Variants in FCF1 observed in about 807,000 individuals in gnomAD.
FCF1 encodes rRNA-processing protein FCF1 homolog.
A neutral mutation model predicts 32.5 loss-of-function variants in FCF1; 17 were observed. The observed-to-expected ratio is 0.52, with a 90% CI of 0.36 to 0.78. The LOEUF (loss-of-function observed/expected upper bound fraction) is 0.78, where lower values mean the gene tolerates loss of function less well. FCF1 is among the 30% of genes least tolerant of loss of function. FCF1 has a pLI of 0.00. For missense variants in FCF1, 201 were observed against 241.1 expected (o/e 0.83, Z 1.10); for synonymous variants, 84 against 78.4 (o/e 1.07, Z -0.38).
chr14:74,736,981 C>T lies in FCF1; in HGVS notation c.*2051C>T, dbSNP rs977732440. On this transcript the variant is annotated 3_prime_UTR_variant, in exon 8 of 8. Coordinates refer to ENST00000341162, the MANE Select transcript of FCF1 (RefSeq NM_015962.5). ...GTTGGGATGGAGAGGGAGGAAAGGCCAGTGGTCATGTGGTTTGAGCTAATC... is the reference window on the plus strand; with the variant it reads ...GTTGGGATGGAGAGGGAGGAAAGGCTAGTGGTCATGTGGTTTGAGCTAATC... The T allele has an allele frequency of 6.6e-6, 1 of 152,078 alleles. No homozygotes were observed. The highest frequency in any genetic ancestry group is 2.4e-5 in the African/African-American group (1 of 41,386). The allele number at this position is 152,078 out of a possible 1,614,324, so 9.4% of individuals were successfully genotyped here.
At chr14:74,714,695 G>A (rs1212429270) in intron 2 of FCF1, among the ~76,000 whole-genome samples, 177 bp from the exon 3 acceptor site, 5 of 151,704 alleles carry the variant, frequency 3.3e-5, no homozygotes, top group Admixed American at 3.3e-4. Context: ...CAGGTACTGT[G>A]CTTTGCACTA....
intron 2 of FCF1, among the ~76,000 whole-genome samples, chr14:74,714,659 G>A (rs2090389498): frequency 6.6e-6 from 1 of 151,860 alleles, no homozygotes; most frequent in South Asian, 2.1e-4. Flanking sequence ...TGCATTATTG[G>A]CATTACTGGT....
intron 4 of FCF1, among the ~76,000 whole-genome samples, chr14:74,722,344 G>A (rs1035169589): frequency 1.3e-5 from 2 of 151,970 alleles, no homozygotes; most frequent in African/African-American, 2.4e-5. Context: ...CACTACGCCC[G>A]GCCAATATTG....
Position 74,714,899 on chromosome 14 carries a change from A to G in FCF1, c.99A>G (p.Lys33=). 2 of 1,594,658 alleles carry G rather than the reference A, an allele frequency of 1.3e-6. No individual in the cohort carries two copies. The highest frequency in any genetic ancestry group is 1.2e-5 in the South Asian group (1 of 86,622). ...RLKEKDRLKP[K]KKEKKDPSAL... is the part of the protein sequence containing the mutation. ...AAGAAAAGGATAGATTAAAACCTAAAAAGAAAGAAAAGAAGGATCCCAGCG... is the reference window on the plus strand; with the variant it reads ...AAGAAAAGGATAGATTAAAACCTAAGAAGAAAGAAAAGAAGGATCCCAGCG... Residue 33 remains lysine (K), a synonymous_variant, in exon 3 of 8, where the codon AAA becomes AAG. Coordinates refer to ENST00000341162, the MANE Select transcript of FCF1 (RefSeq NM_015962.5).
At chr14:74,722,102 G>A (rs1415002580) in intron 4 of FCF1, among the ~76,000 whole-genome samples, 3 of 138,674 alleles carry the variant, frequency 2.2e-5, no homozygotes, top group Non-Finnish European at 4.5e-5. Flanking sequence ...AGGCTAGAGT[G>A]CAATGGCACG....
At chr14:74,715,834 T>A in intron 3 of FCF1, 117 bp from the exon 4 acceptor site, 1 of 1,605,826 alleles carries the variant, frequency 6.2e-7, no homozygotes, top group Non-Finnish European at 8.5e-7. Context: ...TTATTTCCAA[T>A]GAACATGGAC....
At chr14:74,733,841 C>T (rs2090669467) in intron 6 of FCF1, among the ~76,000 whole-genome samples, 1 of 152,182 alleles carries the variant, frequency 6.6e-6, no homozygotes, top group Non-Finnish European at 1.5e-5. Flanking sequence ...TTTCTACCTT[C>T]TCCTCCTCAA....
intron 4 of FCF1, among the ~76,000 whole-genome samples, chr14:74,722,926 C>T (rs574349371): frequency 1.2e-4 from 19 of 152,062 alleles, no homozygotes; most frequent in African/African-American, 4.3e-4. Context: ...CGTGCCACTG[C>T]GCTCCAGCCT....
intron 3 of FCF1, among the ~76,000 whole-genome samples, chr14:74,715,209 T>C (rs898894308): frequency 1.3e-5 from 2 of 152,118 alleles, no homozygotes; most frequent in African/African-American, 4.8e-5. Flanking sequence ...GAGACATAAG[T>C]GCCATTGTTT....
At chr14:74,729,611 G>A (rs2090609835) in intron 5 of FCF1, among the ~76,000 whole-genome samples, 1 of 151,990 alleles carries the variant, frequency 6.6e-6, no homozygotes, top group Non-Finnish European at 1.5e-5. Context: ...CTTCAGTCCT[G>A]CTCTGATTTT....
chr14:74,723,375 GA>G, intron 5 of FCF1, 31 bp downstream of exon 5: 1 of 1,471,570 alleles, frequency 6.8e-7, no homozygotes, highest in Non-Finnish European at 9.5e-7. Context: ...ATCTGTTCTA[GA>G]TTGGTATACT....
Position 74,737,093 on chromosome 14 carries a change from A to G in FCF1, c.*2163A>G, listed in dbSNP as rs1465349012. The G allele has an allele frequency of 1.3e-5, 2 of 152,188 alleles. No homozygotes were observed. Among genetic ancestry groups the G allele is most frequent in the Non-Finnish European group, 2.9e-5 (2 of 68,062 alleles). The allele number at this position is 152,188 out of a possible 1,614,324, so 9.4% of individuals were successfully genotyped here. ...TACACCATAGAAAATCCATTAACCT[A>G]TGTATAATCCCAGCACTTTGGGAGA... On this transcript the variant is annotated 3_prime_UTR_variant, in exon 8 of 8. Coordinates refer to ENST00000341162, the MANE Select transcript of FCF1 (RefSeq NM_015962.5).
rs537421796 is a variant in FCF1, at chr14:74,725,770, T to C, written c.365+2426T>C. On this transcript the variant is annotated intron_variant, in intron 5 of 7. Transcript: ENST00000341162. ...TAACACGGTGAAACCCTGTCTCTAC[T>C]AAAAATACAAAAAAATTAGCCAAGC... is the stretch of plus-strand genomic sequence containing the variant. 3.3e-5 allele frequency among the ~76,000 whole-genome samples: 5 copies of C among 151,740 alleles called. No individual in the cohort carries two copies. In the South Asian group the frequency reaches 8.3e-4, roughly 25 times the overall value.
intron 2 of FCF1, among the ~76,000 whole-genome samples, chr14:74,713,906 T>G (rs1200735705): frequency 6.6e-6 from 1 of 152,304 alleles, no homozygotes; most frequent in East Asian, 1.9e-4. Flanking sequence ...TGTTTCTTGT[T>G]GAAAGATGGC....
In FCF1 at chr14:74,728,258, T is replaced by C. The variant is rs902588808; in HGVS notation, c.366-4473T>C. Among the ~76,000 whole-genome samples the C allele has an allele frequency of 3.3e-5, 5 of 152,228 alleles. No homozygotes were observed. In the East Asian group the frequency reaches 9.6e-4, roughly 29 times the overall value. On this transcript the variant is annotated intron_variant, in intron 5 of 7. Transcript: ENST00000341162. ...TGAGCATGGAATGTTCTTCCATTTGTTTGTGTCCTCTTTTATTTCATTGAG... is the reference window on the plus strand; with the variant it reads ...TGAGCATGGAATGTTCTTCCATTTGCTTGTGTCCTCTTTTATTTCATTGAG...
rs2090360085 is a variant in FCF1 at position 74,713,380 on chromosome 14, G to A, written c.4-105G>A. On this transcript the variant is annotated intron_variant, in intron 1 of 7. Transcript: ENST00000341162. Reference sequence around the variant, plus strand: ...TTTACAGAGTGGGGAAGAGGGTCTGGGTTATTTGAGGCAAGAAGGGAAGGC... The same window carrying A: ...TTTACAGAGTGGGGAAGAGGGTCTGAGTTATTTGAGGCAAGAAGGGAAGGC... 2.6e-6 allele frequency: 4 copies of A among 1,537,786 alleles called. No homozygotes were observed. The South Asian group carries it at 3.5e-5, about 13-fold the overall frequency.
rs760979419 is a variant in FCF1 at position 74,716,095 on chromosome 14, C to A, written c.288C>A (p.Ala96=). The A allele has an allele frequency of 6.2e-7, 1 of 1,613,180 alleles. No homozygotes were observed. The highest frequency in any genetic ancestry group is 8.5e-7 in the Non-Finnish European group (1 of 1,179,238). Residue 96 remains alanine (A), a synonymous_variant, in exon 4 of 8, where the codon GCC becomes GCA. Coordinates refer to ENST00000341162, the MANE Select transcript of FCF1 (RefSeq NM_015962.5). ...LVQSMMDCLY[A]KCIPCITDCV... ...AGTCAATGATGGACTGTCTGTATGCCAAGTGTGAGTATCATACTTTTATGT... is the reference window on the plus strand; with the variant it reads ...AGTCAATGATGGACTGTCTGTATGCAAAGTGTGAGTATCATACTTTTATGT...
intron 5 of FCF1, among the ~76,000 whole-genome samples, chr14:74,729,709 C>G (rs370631571): frequency 1.7e-4 from 26 of 152,040 alleles, no homozygotes; most frequent in South Asian, 8.3e-4. Flanking sequence ...TGTCAATTTT[C>G]GATCTTTCCT....
intron 4 of FCF1, 94 bp downstream of exon 4, chr14:74,716,193 C>G (rs2090417204): frequency 8.3e-7 from 1 of 1,204,302 alleles, no homozygotes; most frequent in Admixed American, 1.9e-5. Context: ...TTCTTGTTAA[C>G]TGAATTGCTG....
Sources: gnomAD v4.1 joint callset for allele counts (sites outside exome capture counted in the v4.1 genomes callset) on GRCh38, gnomAD v4.1.1 for gene constraint, MANE v1.5 for transcripts, NCBI Gene and HGNC (gene_info 2026-07-23, HGNC 2026-07-21) for gene names.